TNS3: variants seen among roughly 807,000 people sequenced by gnomAD.
TNS3 encodes tensin 3.
TNS3 carries 45 observed loss-of-function variants against 140.9 expected under a neutral mutation model. That is an observed-to-expected ratio of 0.32 (90% CI 0.25 to 0.41). The LOEUF is 0.41. Among genes scored for constraint, TNS3 ranks in the 10% least tolerant of loss-of-function variants. The probability of loss-of-function intolerance (pLI) is 1.00; values close to 1 mark genes in which losing one functional copy is unlikely to be tolerated. For missense variants in TNS3, 1,716 were observed against 1,906.7 expected (o/e 0.90, Z 1.86); for synonymous variants, 815 against 788.4 (o/e 1.03, Z -0.56).
chr7:47,413,653 T>C (rs1019987039), intron 12 of TNS3, among the ~76,000 whole-genome samples: 3 of 151,762 alleles, frequency 2.0e-5, no homozygotes, highest in African/African-American at 7.3e-5. Flanking sequence ...AAAAAGCAAA[T>C]GGCCCACTCT....
At chr7:47,441,642 C>G (rs1193980793) in intron 5 of TNS3, among the ~76,000 whole-genome samples, 12 of 152,226 alleles carry the variant, frequency 7.9e-5, no homozygotes, top group Admixed American at 7.9e-4. Context: ...TGAGGATCCA[C>G]AGTGAGTGCC....
intron 2 of TNS3, among the ~76,000 whole-genome samples, chr7:47,524,473 C>T (rs1052999919): frequency 2.0e-5 from 3 of 152,286 alleles, no homozygotes; most frequent in African/African-American, 7.2e-5. Flanking sequence ...ATAATGCCTG[C>T]ATCCTGGCTG....
intron 9 of TNS3, among the ~76,000 whole-genome samples, chr7:47,426,663 A>T (rs1794667742): frequency 6.6e-6 from 1 of 152,180 alleles, no homozygotes; most frequent in African/African-American, 2.4e-5. Flanking sequence ...AAATTGCCTG[A>T]CACATGCAGC....
intron 20 of TNS3, among the ~76,000 whole-genome samples, chr7:47,335,279 T>C (rs914522258): frequency 1.3e-5 from 2 of 152,130 alleles, no homozygotes; most frequent in Non-Finnish European, 2.9e-5. Context: ...CCCAAATGGG[T>C]GAAGCCTGGT....
chr7:47,301,259 T>C (rs1786383951), intron 23 of TNS3, among the ~76,000 whole-genome samples: 1 of 152,136 alleles, frequency 6.6e-6, no homozygotes. Flanking sequence ...GGGATTCACT[T>C]TGGTTCCTAG....
rs546213688 is a variant in TNS3, at chr7:47,296,081, G to A, written c.3676+1001C>T. ...ATTTCCATTTGGGGAGACAGACAGAGTGAAAGAATAGCTTCCCTTTCCTTA... is the reference window on the plus strand; with the variant it reads ...ATTTCCATTTGGGGAGACAGACAGAATGAAAGAATAGCTTCCCTTTCCTTA... On this transcript the variant is annotated intron_variant, in intron 24 of 30. Transcript: ENST00000311160. Among the ~76,000 whole-genome samples the A allele has an allele frequency of 2.6e-5, 4 of 152,228 alleles. No homozygotes were observed. In the South Asian group the frequency reaches 8.3e-4, roughly 32 times the overall value.
At chr7:47,429,158 T>A (rs1305641365) in intron 8 of TNS3, among the ~76,000 whole-genome samples, 2 of 152,202 alleles carry the variant, frequency 1.3e-5, no homozygotes, top group African/African-American at 4.8e-5. Flanking sequence ...ATTTTCTAAC[T>A]ATTAAGAAAA....
intron 4 of TNS3, chr7:47,453,289 G>A: frequency 1.0e-6 from 1 of 981,338 alleles, no homozygotes; most frequent in Non-Finnish European, 1.2e-6. Context: ...CGCTCTCCGG[G>A]AGAGCCTTCT....
intron 16 of TNS3, among the ~76,000 whole-genome samples, chr7:47,373,381 T>C (rs750463371): frequency 6.6e-6 from 1 of 152,206 alleles, no homozygotes; most frequent in Non-Finnish European, 1.5e-5. Context: ...AACTAGAGAA[T>C]ATGGACATAA....
At chr7:47,460,274 C>T (rs968793526) in intron 4 of TNS3, among the ~76,000 whole-genome samples, 8 of 150,846 alleles carry the variant, frequency 5.3e-5, no homozygotes, top group Non-Finnish European at 1.2e-4. Flanking sequence ...CATAGAGGGG[C>T]AGCCATGTGA....
chr7:47,451,327 C>T (rs1460321262), intron 4 of TNS3, among the ~76,000 whole-genome samples: 1 of 152,174 alleles, frequency 6.6e-6, no homozygotes, highest in Non-Finnish European at 1.5e-5. Flanking sequence ...CGTCTGTAAT[C>T]CCAGCATTTT....
chr7:47,381,154 G>A (rs891337698), intron 16 of TNS3, among the ~76,000 whole-genome samples: 12 of 152,312 alleles, frequency 7.9e-5, no homozygotes, highest in South Asian at 2.1e-4. Flanking sequence ...CTGAACTGAC[G>A]TCCAGGAGCC....
intron 1 of TNS3, among the ~76,000 whole-genome samples, chr7:47,571,152 G>A (rs1800546409): frequency 6.6e-6 from 1 of 152,154 alleles, no homozygotes; most frequent in Non-Finnish European, 1.5e-5. Context: ...CTCTCAAAAG[G>A]GTGACCAACC....
At chr7:47,355,828 G>A (rs182570578) in intron 17 of TNS3, among the ~76,000 whole-genome samples, 23 of 152,254 alleles carry the variant, frequency 1.5e-4, no homozygotes, top group East Asian at 1.2e-3. Context: ...CCAGCGCACG[G>A]CCTGGCAGAT....
intron 1 of TNS3, among the ~76,000 whole-genome samples, chr7:47,580,589 T>G (rs1189833084): frequency 1.1e-5 from 1 of 88,100 alleles, no homozygotes; most frequent in African/African-American, 4.6e-5. Flanking sequence ...CCCTCCACCC[T>G]CCAGCTGCAG....
chr7:47,461,053 T>C (rs1796469986), intron 4 of TNS3, among the ~76,000 whole-genome samples: 1 of 152,166 alleles, frequency 6.6e-6, no homozygotes, highest in Non-Finnish European at 1.5e-5. Context: ...CCAGTCTCAC[T>C]GACAATGCTG....
At chr7:47,305,082 T>C in intron 20 of TNS3, 79 bp from the exon 21 acceptor site, 1 of 1,174,874 alleles carries the variant, frequency 8.5e-7, no homozygotes. Context: ...TTTTGCATGT[T>C]CCACAAGAAA....
chr7:47,508,401 A>C (rs180900578), intron 2 of TNS3, among the ~76,000 whole-genome samples: 50 of 152,342 alleles, frequency 3.3e-4, no homozygotes, highest in African/African-American at 5.1e-4. Context: ...AGTGATTTTC[A>C]AATCAAGAGA....
intron 27 of TNS3, among the ~76,000 whole-genome samples, chr7:47,287,320 A>T (rs576461491): frequency 2.6e-5 from 4 of 152,270 alleles, no homozygotes; most frequent in East Asian, 1.9e-4. Flanking sequence ...CTTAATATTT[A>T]AAAAAAGGGA....
Sources: gnomAD v4.1 joint callset for allele counts (sites outside exome capture counted in the v4.1 genomes callset) on GRCh38, gnomAD v4.1.1 for gene constraint, MANE v1.5 for transcripts, NCBI Gene and HGNC (gene_info 2026-07-23, HGNC 2026-07-21) for gene names.